The following LPGAT1 variants were observed in gnomAD, a reference collection of about 807,000 sequenced individuals.
LPGAT1 encodes lysophosphatidylglycerol acyltransferase 1, also known as acyl-CoA:lysophosphatidylglycerol acyltransferase 1.
LPGAT1 carries 11 observed loss-of-function variants against 47.5 expected under a neutral mutation model. That is an observed-to-expected ratio of 0.23 (90% CI 0.15 to 0.38). LPGAT1 has a LOEUF of 0.38. Ranked by LOEUF, LPGAT1 falls within the 10% of genes least tolerant of loss-of-function variation. LPGAT1 has a pLI of 1.00. For missense variants in LPGAT1, 293 were observed against 439.0 expected, an observed-to-expected ratio of 0.67 and a Z score of 2.97; for synonymous variants, 138 against 144.2, an observed-to-expected ratio of 0.96 and a Z score of 0.31.
At chr1:211,812,027 T>G (rs905520416) in intron 2 of LPGAT1, among the ~76,000 whole-genome samples, 2 of 152,216 alleles carry the variant, frequency 1.3e-5, no homozygotes, top group African/African-American at 4.8e-5. Flanking sequence ...CTTCATTTGC[T>G]CACTGATACC....
chr1:211,830,638 CGGCGGGGCCGGCGGAAGAAGGCGGT>C lies in LPGAT1; in HGVS notation c.-118_-94del. On this transcript the variant is annotated 5_prime_UTR_variant, in exon 1 of 8. Coordinates refer to ENST00000366997, the MANE Select transcript of LPGAT1 (RefSeq NM_014873.3). This position sits in a 1 kb window ranked among gnomAD's most constrained non-coding sequence, Gnocchi z 5.9. ...AGGAGCCGGAAGAATGCATGGCCGG[CGGCGGGGCCGGCGGAAGAAGGCGGT>C]GGCGGGGCCCTGCCCCGCTCCGGCT... is the stretch of plus-strand genomic sequence containing the variant. 8.3e-7 allele frequency: 1 copy of C among 1,202,964 alleles called. No homozygotes were observed. The highest frequency in any genetic ancestry group is 1.0e-6 in the Non-Finnish European group (1 of 969,324). The allele number at this position is 1,202,964 out of a possible 1,614,324, so 74.5% of individuals were successfully genotyped here.
At chr1:211,791,032 C>A (rs1369182554) in intron 3 of LPGAT1, among the ~76,000 whole-genome samples, 1 of 152,034 alleles carries the variant, frequency 6.6e-6, no homozygotes, top group African/African-American at 2.4e-5. Flanking sequence ...AGAGGACAGG[C>A]AATAAATATT....
At chr1:211,828,985 G>T in intron 2 of LPGAT1, 74 bp downstream of exon 2, 1 of 1,477,100 alleles carries the variant, frequency 6.8e-7, no homozygotes, top group Non-Finnish European at 9.3e-7. Flanking sequence ...TCAACCCAAA[G>T]TGTAATATAC....
chr1:211,828,864 A>G (rs1166872917), intron 2 of LPGAT1, among the ~76,000 whole-genome samples, 195 bp downstream of exon 2: 4 of 152,228 alleles, frequency 2.6e-5, no homozygotes, highest in African/African-American at 7.2e-5. Flanking sequence ...ACCAATACAT[A>G]ATTATGAAAT....
At chr1:211,806,529 G>T (rs1056911010) in intron 2 of LPGAT1, among the ~76,000 whole-genome samples, 1 of 152,112 alleles carries the variant, frequency 6.6e-6, no homozygotes, top group Admixed American at 6.6e-5. Context: ...AAAAGGGATG[G>T]GATGGAGGAA....
At chr1:211,822,944 C>G (rs535192510) in intron 2 of LPGAT1, among the ~76,000 whole-genome samples, 7 of 152,282 alleles carry the variant, frequency 4.6e-5, no homozygotes, top group African/African-American at 1.7e-4. Flanking sequence ...GTCCATTATA[C>G]TACAACATTT....
rs376181210 is a variant in LPGAT1, at chr1:211,751,171, T to C, written c.855-104A>G. 4.0e-6 allele frequency: 3 copies of C among 753,780 alleles called. No individual in the cohort carries two copies. The African/African-American group carries it at 5.3e-5, about 13-fold the overall frequency. The allele number at this position is 753,780 out of a possible 1,614,324, so 46.7% of individuals were successfully genotyped here. A position where few individuals can be genotyped will look rare whatever the true frequency, so the allele number is the denominator to read the frequency against. On this transcript the variant is annotated intron_variant, in intron 6 of 7. Transcript: ENST00000366997. Reference sequence around the variant, plus strand: ...AAAGCTGAATAAAATTGTGTTGTCATCTTTTGCTTTAACAAGGGTTGGTTT... The same window carrying C: ...AAAGCTGAATAAAATTGTGTTGTCACCTTTTGCTTTAACAAGGGTTGGTTT...
At chr1:211,790,731 C>A (rs1303334645) in intron 3 of LPGAT1, among the ~76,000 whole-genome samples, 1 of 152,048 alleles carries the variant, frequency 6.6e-6, no homozygotes, top group African/African-American at 2.4e-5. Context: ...GCAAACAAGC[C>A]AACCAAACTT....
At chr1:211,807,043 C>A (rs929807084) in intron 2 of LPGAT1, among the ~76,000 whole-genome samples, 2 of 152,064 alleles carry the variant, frequency 1.3e-5, no homozygotes, top group East Asian at 1.9e-4. Flanking sequence ...TTACAAAAAA[C>A]GCCTATTCCC....
At chr1:211,787,513 C>A (rs1286290726) in intron 4 of LPGAT1, 119 bp downstream of exon 4, 3 of 483,088 alleles carry the variant, frequency 6.2e-6, no homozygotes, top group Non-Finnish European at 1.1e-5. Context: ...AAAAAAAGCT[C>A]CCTAAGACTG....
chr1:211,773,970 A>AT (rs1192488554), intron 6 of LPGAT1, among the ~76,000 whole-genome samples: 1 of 152,100 alleles, frequency 6.6e-6, no homozygotes, highest in South Asian at 2.1e-4. Flanking sequence ...TAAGAAATGA[A>AT]TTTTTTAAAA....
intron 6 of LPGAT1, among the ~76,000 whole-genome samples, chr1:211,772,792 T>A (rs1658234672): frequency 6.6e-6 from 1 of 152,146 alleles, no homozygotes; most frequent in South Asian, 2.1e-4. Context: ...ATAAAAAGAT[T>A]TTGAAGGAAT....
chr1:211,824,232 A>G (rs1660462093), intron 2 of LPGAT1, among the ~76,000 whole-genome samples: 1 of 152,084 alleles, frequency 6.6e-6, no homozygotes, highest in Non-Finnish European at 1.5e-5. Flanking sequence ...CCTTGTCTCT[A>G]CTAACAATAC....
At chr1:211,775,659 T>A (rs563281379) in intron 6 of LPGAT1, among the ~76,000 whole-genome samples, 29 of 152,332 alleles carry the variant, frequency 1.9e-4, no homozygotes, top group African/African-American at 6.7e-4. Flanking sequence ...CCGGGCGCAG[T>A]GGCTCATGCC....
At chr1:211,778,657 G>A (rs750872425) in intron 6 of LPGAT1, among the ~76,000 whole-genome samples, 3 of 152,022 alleles carry the variant, frequency 2.0e-5, no homozygotes, top group Non-Finnish European at 4.4e-5. Flanking sequence ...TATCCTTGAT[G>A]TTTGCCCTTT....
rs139908919 is a variant in LPGAT1 at position 211,782,209 on chromosome 1, A to T, written c.727+1020T>A. On this transcript the variant is annotated intron_variant, in intron 5 of 7. Transcript: ENST00000366997. ...ACATCATTTGTAACAGCTGTGTTGTATTCCGTTGTATGGATATTTGATAAT... is the reference window on the plus strand; with the variant it reads ...ACATCATTTGTAACAGCTGTGTTGTTTTCCGTTGTATGGATATTTGATAAT... 1.1e-4 allele frequency among the ~76,000 whole-genome samples: 17 copies of T among 152,352 alleles called. No homozygotes were observed. In the East Asian group the frequency reaches 3.3e-3, roughly 29 times the overall value.
At chr1:211,818,797 G>A (rs1405875363) in intron 2 of LPGAT1, among the ~76,000 whole-genome samples, 5 of 152,016 alleles carry the variant, frequency 3.3e-5, no homozygotes, top group Non-Finnish European at 5.9e-5. Context: ...CCTTCCATTC[G>A]TTTTGATGAC....
At chr1:211,765,237 T>C (rs1280080125) in intron 6 of LPGAT1, among the ~76,000 whole-genome samples, 1 of 152,240 alleles carries the variant, frequency 6.6e-6, no homozygotes, top group African/African-American at 2.4e-5. Context: ...AAAATTCTCA[T>C]ATGCTTCACC....
intron 6 of LPGAT1, among the ~76,000 whole-genome samples, chr1:211,763,247 T>C (rs1657775401): frequency 6.6e-6 from 1 of 152,214 alleles, no homozygotes; most frequent in Non-Finnish European, 1.5e-5. Flanking sequence ...TAAAAGGTGA[T>C]TTGGTCATGA....
Sources: gnomAD v4.1 joint callset for allele counts (sites outside exome capture counted in the v4.1 genomes callset) on GRCh38, gnomAD v4.1.1 for gene constraint, Gnocchi (gnomAD v3.1) non-coding constraint, MANE v1.5 for transcripts, NCBI Gene and HGNC (gene_info 2026-07-23, HGNC 2026-07-21) for gene names.